Variants in RELN observed in about 807,000 individuals in gnomAD.
The protein encoded by RELN is reelin.
In RELN, 108 loss-of-function variants were observed where a neutral mutation model predicts 427.6. That is an observed-to-expected ratio of 0.25 (90% CI 0.22 to 0.30). RELN has a LOEUF of 0.30. Among genes scored for constraint, RELN ranks in the 10% least tolerant of loss-of-function variants. RELN has a pLI of 1.00. For synonymous variants in RELN, 1,524 were observed against 1,513.4 expected, an observed-to-expected ratio of 1.01 and a Z score of -0.16; for missense variants, 3,715 against 4,302.8, an observed-to-expected ratio of 0.86 and a Z score of 3.82.
At chr7:103,917,271 A>C in intron 1 of RELN, 86 bp from the exon 2 acceptor site, 1 of 1,010,566 alleles carries the variant, frequency 9.9e-7, no homozygotes, top group Non-Finnish European at 1.6e-6. Flanking sequence ...TGTCAAAACA[A>C]TCTTTACTCA....
chr7:103,794,753 T>C (rs1792256876), intron 3 of RELN, among the ~76,000 whole-genome samples: 1 of 152,084 alleles, frequency 6.6e-6, no homozygotes, highest in African/African-American at 2.4e-5. Context: ...AGGGGGGCTT[T>C]CCTGTGCATT....
At chr7:103,550,472 T>G (rs1046494865) in intron 41 of RELN, among the ~76,000 whole-genome samples, 4 of 152,228 alleles carry the variant, frequency 2.6e-5, no homozygotes, top group Non-Finnish European at 5.9e-5. Flanking sequence ...TTTTGTTTTT[T>G]GAAATATACT....
At chr7:103,894,881 T>C (rs1047940929) in intron 2 of RELN, among the ~76,000 whole-genome samples, 3 of 152,172 alleles carry the variant, frequency 2.0e-5, no homozygotes, top group Non-Finnish European at 4.4e-5. Context: ...TTTAATGTAA[T>C]GACCTGACCT....
At chr7:103,955,492 A>G (rs1344214954) in intron 1 of RELN, among the ~76,000 whole-genome samples, 1 of 152,176 alleles carries the variant, frequency 6.6e-6, no homozygotes, top group Admixed American at 6.5e-5. Context: ...TAATCCTATC[A>G]ATGACATTCA....
intron 56 of RELN, 73 bp downstream of exon 56, chr7:103,496,453 G>GCTAAT (rs1234415640): frequency 6.3e-7 from 1 of 1,589,694 alleles, no homozygotes; most frequent in Non-Finnish European, 8.6e-7. Flanking sequence ...CTTTTCATGT[G>GCTAAT]CTAATCTATC....
intron 1 of RELN, among the ~76,000 whole-genome samples, chr7:103,942,869 G>A (rs180730873): frequency 7.2e-5 from 11 of 151,754 alleles, no homozygotes; most frequent in East Asian, 1.9e-4. Context: ...CCAAGATTGC[G>A]CCACTGCACT....
intron 1 of RELN, among the ~76,000 whole-genome samples, chr7:103,967,809 C>T (rs1415155129): frequency 6.6e-6 from 1 of 152,170 alleles, no homozygotes. Context: ...TTTCCCTCTC[C>T]TTTCCTGTCA....
intron 16 of RELN, among the ~76,000 whole-genome samples, chr7:103,646,494 T>C (rs1832800140): frequency 6.6e-6 from 1 of 151,912 alleles, no homozygotes; most frequent in African/African-American, 2.4e-5. Context: ...TGTAAACATC[T>C]TTATGTGCAC....
chr7:103,485,689 C>A (rs1828412534), intron 61 of RELN, among the ~76,000 whole-genome samples: 1 of 152,130 alleles, frequency 6.6e-6, no homozygotes, highest in Non-Finnish European at 1.5e-5. Flanking sequence ...TCTGCATTAA[C>A]CCTCAGCAAT....
At chr7:103,915,480 G>T (rs917679499) in intron 2 of RELN, among the ~76,000 whole-genome samples, 1 of 151,614 alleles carries the variant, frequency 6.6e-6, no homozygotes, top group African/African-American at 2.4e-5. Flanking sequence ...TTCAAAAAAT[G>T]ATCACAGGAT....
intron 11 of RELN, among the ~76,000 whole-genome samples, chr7:103,674,377 T>A (rs181381746): frequency 6.6e-6 from 1 of 152,278 alleles, no homozygotes; most frequent in African/African-American, 2.4e-5. Flanking sequence ...TGATTCCTAG[T>A]CCTTTAGTTT....
chr7:103,481,895 G>A (rs1828252660), intron 63 of RELN: 1 of 152,220 alleles, frequency 6.6e-6, no homozygotes, highest in African/African-American at 2.4e-5. Context: ...GCAGAGCCCA[G>A]CAAGTTGTCC....
chr7:103,593,909 A>C (rs1310276872), intron 26 of RELN, 27 bp from the exon 27 acceptor site: 1 of 1,551,296 alleles, frequency 6.4e-7, no homozygotes, highest in East Asian at 2.2e-5. Flanking sequence ...AAATAAAACA[A>C]AAGGCAATTT....
intron 3 of RELN, among the ~76,000 whole-genome samples, chr7:103,807,300 A>G (rs1730259601): frequency 6.6e-6 from 1 of 152,172 alleles, no homozygotes; most frequent in South Asian, 2.1e-4. Context: ...AACTAACCTA[A>G]CACACTAAAA....
At chr7:103,922,738 T>G (rs1191814568) in intron 1 of RELN, among the ~76,000 whole-genome samples, 2 of 152,196 alleles carry the variant, frequency 1.3e-5, no homozygotes, top group Non-Finnish European at 2.9e-5. Context: ...CACTGTAAGA[T>G]GAAAGTCTAA....
intron 50 of RELN, among the ~76,000 whole-genome samples, chr7:103,514,258 A>C (rs1029361436): frequency 6.6e-6 from 1 of 152,226 alleles, no homozygotes; most frequent in Non-Finnish European, 1.5e-5. Flanking sequence ...TGTTTCATGT[A>C]GTATAACAAA....
intron 7 of RELN, among the ~76,000 whole-genome samples, chr7:103,723,918 T>C (rs933824734): frequency 1.3e-5 from 2 of 152,222 alleles, no homozygotes; most frequent in Non-Finnish European, 2.9e-5. Context: ...TTAAGAAGCA[T>C]GCTTAAGCAA....
At chr7:103,826,319 AATGTGTGTGTGTGTGT>A (rs1220348138) in intron 3 of RELN, among the ~76,000 whole-genome samples, 5 of 137,576 alleles carry the variant, frequency 3.6e-5, no homozygotes, top group East Asian at 2.2e-4. Context: ...AGACTAAGAC[AATGTGTGTGTGTGTGT>A]GTGTGTGTGT....
intron 11 of RELN, among the ~76,000 whole-genome samples, chr7:103,669,522 A>G (rs1441398324): frequency 1.3e-5 from 2 of 152,146 alleles, no homozygotes; most frequent in Non-Finnish European, 2.9e-5. Flanking sequence ...CAAAGTCCCA[A>G]TTTACAAGGT....
Sources: allele counts gnomAD v4.1 joint callset (sites outside exome capture counted in the v4.1 genomes callset), GRCh38; gene constraint gnomAD v4.1.1; transcripts MANE v1.5; gene names NCBI Gene and HGNC (gene_info 2026-07-23, HGNC 2026-07-21).